TRIO: variants seen among roughly 807,000 people sequenced by gnomAD.
TRIO encodes triple functional domain protein.
In TRIO, 58 loss-of-function variants were observed where a neutral mutation model predicts 351.9. The observed-to-expected ratio is 0.16, with a 90% confidence interval of 0.13 to 0.21. TRIO has a LOEUF of 0.21. Ranked by LOEUF, TRIO falls within the 10% of genes least tolerant of loss-of-function variation. The pLI is 1.00. For missense variants in TRIO, 3,201 were observed against 4,027.8 expected, an observed-to-expected ratio of 0.79 and a Z score of 5.56; for synonymous variants, 1,758 against 1,595.7, an observed-to-expected ratio of 1.10 and a Z score of -2.42.
intron 19 of TRIO, 26 bp downstream of exon 19, chr5:14,374,369 G>T: frequency 6.3e-7 from 1 of 1,592,208 alleles, no homozygotes; most frequent in Non-Finnish European, 8.6e-7. Flanking sequence ...AGTCTCCAGG[G>T]GTGGCCCAGT....
chr5:14,164,667 C>G (rs1788662195), intron 1 of TRIO, among the ~76,000 whole-genome samples: 1 of 152,190 alleles, frequency 6.6e-6, no homozygotes, highest in Non-Finnish European at 1.5e-5. Context: ...TCTTATTTCT[C>G]ATTAGTAGGG....
intron 11 of TRIO, among the ~76,000 whole-genome samples, chr5:14,341,313 C>G (rs1741924409): frequency 6.6e-6 from 1 of 152,336 alleles, no homozygotes; most frequent in Middle Eastern, 3.4e-3. Context: ...AAGGGTCTCT[C>G]AAGGCAATGG....
chr5:14,285,900 A>T (rs1178758155), intron 3 of TRIO, among the ~76,000 whole-genome samples: 1 of 152,314 alleles, frequency 6.6e-6, no homozygotes, highest in East Asian at 1.9e-4. Flanking sequence ...TGAGGGTTGC[A>T]GTTGTTCCTT....
chr5:14,183,757 T>C (rs354302), intron 1 of TRIO: 420,082 of 502,192 alleles, frequency 0.84, 176,703 homozygotes, highest in East Asian at 0.99. Context: ...AGGGAAGGCA[T>C]GCGGCCGCAG....
chr5:14,354,957 G>A (rs1743479670), intron 11 of TRIO, among the ~76,000 whole-genome samples: 2 of 152,166 alleles, frequency 1.3e-5, no homozygotes, highest in South Asian at 4.1e-4. Context: ...TGAAATAAAT[G>A]GTTTATTTTC....
Position 14,480,026 on chromosome 5 carries a change from G to A in TRIO, c.6336+15G>A. 1 of 1,612,518 alleles carries A rather than the reference G, an allele frequency of 6.2e-7. No homozygotes were observed. The highest frequency in any genetic ancestry group is 1.1e-5 in the South Asian group (1 of 90,882). ...TGTTACTGAAGGTGAGGAGGTGGCG[G>A]GACAAACTCTGGTGTCAGGAGTGAG... On this transcript the variant is annotated intron_variant, in intron 43 of 56. Coordinates refer to ENST00000344204, the MANE Select transcript of TRIO (RefSeq NM_007118.4).
At chr5:14,474,976 A>G (rs1050155206) in intron 40 of TRIO, among the ~76,000 whole-genome samples, 7 of 152,004 alleles carry the variant, frequency 4.6e-5, no homozygotes, top group African/African-American at 1.5e-4. Flanking sequence ...CGCCTGGCCC[A>G]ATTCAATTTT....
chr5:14,210,435 C>T (rs555145128), intron 1 of TRIO, among the ~76,000 whole-genome samples: 1 of 152,148 alleles, frequency 6.6e-6, no homozygotes, highest in Non-Finnish European at 1.5e-5. Flanking sequence ...ATTTTGTGGC[C>T]TGCGTTTAGC....
At chr5:14,303,731 A>G (rs1738124156) in intron 7 of TRIO, among the ~76,000 whole-genome samples, 1 of 152,080 alleles carries the variant, frequency 6.6e-6, no homozygotes. Context: ...AGATTGAGCC[A>G]GGGTTGGGAT....
At chr5:14,424,491 AG>A (rs2152393021) in intron 34 of TRIO, among the ~76,000 whole-genome samples, 1 of 152,328 alleles carries the variant, frequency 6.6e-6, no homozygotes, top group Non-Finnish European at 1.5e-5. Context: ...AGAAAATTAA[AG>A]GGAAAAAAAA....
At chr5:14,322,336 G>C (rs1452751884) in intron 9 of TRIO, among the ~76,000 whole-genome samples, 1 of 152,234 alleles carries the variant, frequency 6.6e-6, no homozygotes, top group Non-Finnish European at 1.5e-5. Context: ...TTTGATTGAT[G>C]TTGGGGAACT....
chr5:14,488,374 G>C, intron 48 of TRIO, 114 bp downstream of exon 48: 4 of 1,426,836 alleles, frequency 2.8e-6, no homozygotes, highest in Non-Finnish European at 3.7e-6. Flanking sequence ...TCCGCCGCCC[G>C]TTGCGGCCTC....
intron 35 of TRIO, among the ~76,000 whole-genome samples, chr5:14,461,663 C>G (rs1753820245): frequency 6.6e-6 from 1 of 152,220 alleles, no homozygotes; most frequent in Non-Finnish European, 1.5e-5. Flanking sequence ...TGAAGCAAAG[C>G]CAGAGGCTCT....
intron 1 of TRIO, among the ~76,000 whole-genome samples, chr5:14,203,197 T>C (rs1012554293): frequency 6.6e-6 from 1 of 152,208 alleles, no homozygotes; most frequent in Non-Finnish European, 1.5e-5. Flanking sequence ...AAATAATGGC[T>C]TACTGCATTA....
intron 34 of TRIO, among the ~76,000 whole-genome samples, chr5:14,457,332 T>C (rs1447706093): frequency 7.1e-6 from 1 of 141,138 alleles, no homozygotes; most frequent in Non-Finnish European, 1.5e-5. Context: ...TTGCATTTAA[T>C]CTGTGGCACC....
At chr5:14,425,681 G>C (rs555212457) in intron 34 of TRIO, among the ~76,000 whole-genome samples, 1 of 152,202 alleles carries the variant, frequency 6.6e-6, no homozygotes, top group African/African-American at 2.4e-5. Context: ...GAGGTGGACT[G>C]TTGGGTGGTA....
At chr5:14,489,163 A>G (rs1756287520) in intron 48 of TRIO, 1 of 602,640 alleles carries the variant, frequency 1.7e-6, no homozygotes, top group East Asian at 2.7e-5. Flanking sequence ...CTCTCTTTAT[A>G]TTAAAAAAAA....
intron 11 of TRIO, among the ~76,000 whole-genome samples, chr5:14,344,360 A>G (rs370791453): frequency 3.7e-4 from 56 of 152,348 alleles, no homozygotes; most frequent in African/African-American, 1.3e-3. Context: ...AAAAAAATAC[A>G]TCTAGTCAAT....
At chr5:14,269,101 C>T (rs116652291) in intron 1 of TRIO, among the ~76,000 whole-genome samples, 27 of 152,276 alleles carry the variant, frequency 1.8e-4, no homozygotes, top group African/African-American at 5.8e-4. Flanking sequence ...GGCCCCAGCT[C>T]GGTCAAATCT....
Sources: allele counts gnomAD v4.1 joint callset (sites outside exome capture counted in the v4.1 genomes callset), GRCh38; gene constraint gnomAD v4.1.1; transcripts MANE v1.5; gene names NCBI Gene and HGNC (gene_info 2026-07-23, HGNC 2026-07-21).